HMGB1: variants seen among roughly 807,000 people sequenced by gnomAD.
HMGB1 encodes the protein high mobility group protein B1.
For missense variants in HMGB1, 79 were observed against 253.5 expected (o/e 0.31, Z 4.67); for synonymous variants, 81 against 84.0 (o/e 0.96, Z 0.19).
At chr13:30,512,406 T>C (rs1038093500) in intron 1 of HMGB1, among the ~76,000 whole-genome samples, 3 of 152,190 alleles carry the variant, frequency 2.0e-5, no homozygotes, top group African/African-American at 7.2e-5. Context: ...GTTAAGTCAA[T>C]GAGGATGTCT....
chr13:30,590,583 G>C (rs1443748978), intron 1 of HMGB1, among the ~76,000 whole-genome samples: 1 of 152,206 alleles, frequency 6.6e-6, no homozygotes, highest in Non-Finnish European at 1.5e-5. Context: ...AGTCAGATGT[G>C]AGCAAAGAAA....
chr13:30,616,352 A>G (rs898896064), intron 1 of HMGB1, among the ~76,000 whole-genome samples: 1 of 152,278 alleles, frequency 6.6e-6, no homozygotes, highest in Non-Finnish European at 1.5e-5. Context: ...GTTTTAAAAA[A>G]TACAATTCAG....
intron 1 of HMGB1, among the ~76,000 whole-genome samples, chr13:30,521,270 A>G (rs996572067): frequency 6.6e-6 from 1 of 152,310 alleles, no homozygotes; most frequent in Admixed American, 6.5e-5. Flanking sequence ...TTAAAATGAA[A>G]AATTCAATGG....
At chr13:30,541,043 A>C (rs565111755) in intron 1 of HMGB1, 1 of 152,296 alleles carries the variant, frequency 6.6e-6, no homozygotes, top group South Asian at 2.1e-4. Context: ...TAAATGGATC[A>C]AAAAATATGT....
chr13:30,593,129 T>C (rs1427484884), intron 1 of HMGB1, among the ~76,000 whole-genome samples: 1 of 152,206 alleles, frequency 6.6e-6, no homozygotes, highest in Non-Finnish European at 1.5e-5. Flanking sequence ...GAGTTTTTTC[T>C]TTGCAGATAG....
intron 1 of HMGB1, among the ~76,000 whole-genome samples, chr13:30,590,495 G>T (rs142161690): frequency 6.6e-6 from 1 of 152,036 alleles, no homozygotes; most frequent in African/African-American, 2.4e-5. Flanking sequence ...GAGTCACCAC[G>T]CCCGGCCTAA....
intron 1 of HMGB1, chr13:30,543,026 CTT>C (rs1052409571): frequency 5.3e-5 from 8 of 151,524 alleles, no homozygotes; most frequent in Admixed American, 1.3e-4. Flanking sequence ...CCGTGCTTGA[CTT>C]TAATCATTCA....
chr13:30,531,032 G>A (rs1888481306), intron 1 of HMGB1, among the ~76,000 whole-genome samples: 4 of 152,132 alleles, frequency 2.6e-5, no homozygotes, highest in Admixed American at 2.6e-4. Flanking sequence ...GGGCAAGAGT[G>A]AGACCCTGTC....
At chr13:30,511,178 T>G (rs2137463709) in intron 1 of HMGB1, among the ~76,000 whole-genome samples, 1 of 152,286 alleles carries the variant, frequency 6.6e-6, no homozygotes, top group East Asian at 1.9e-4. Flanking sequence ...AAACAGGGCA[T>G]CAATGTTTTC....
intron 1 of HMGB1, among the ~76,000 whole-genome samples, chr13:30,611,736 G>A (rs79128811): frequency 6.6e-6 from 1 of 151,692 alleles, no homozygotes; most frequent in African/African-American, 2.4e-5. Context: ...TATTCTCCCT[G>A]CATTTATGGC....
chr13:30,600,240 C>G (rs1471574387), intron 1 of HMGB1, among the ~76,000 whole-genome samples: 1 of 152,090 alleles, frequency 6.6e-6, no homozygotes, highest in Non-Finnish European at 1.5e-5. Context: ...ATTAAGTGAT[C>G]ATCAGCCACT....
intron 1 of HMGB1, among the ~76,000 whole-genome samples, chr13:30,485,132 A>G (rs1173871521): frequency 6.6e-6 from 1 of 151,262 alleles, no homozygotes; most frequent in African/African-American, 2.4e-5. Context: ...CCCGGGTTCA[A>G]GTGGTTCTCC....
intron 1 of HMGB1, chr13:30,465,209 G>GC: frequency 4.0e-6 from 3 of 755,054 alleles, no homozygotes; most frequent in South Asian, 6.2e-5. Flanking sequence ...CGCCGCCGCC[G>GC]CGACCGGGCC....
At chr13:30,597,023 T>C (rs1871643856) in intron 1 of HMGB1, among the ~76,000 whole-genome samples, 1 of 152,222 alleles carries the variant, frequency 6.6e-6, no homozygotes, top group Non-Finnish European at 1.5e-5. Context: ...ATGACTTCTT[T>C]ATACTTTCAT....
upstream of HMGB1, among the ~76,000 whole-genome samples, chr13:30,470,086 T>C (rs1161251719): frequency 6.7e-6 from 1 of 149,558 alleles, no homozygotes; most frequent in Non-Finnish European, 1.5e-5. Context: ...TGCTGGCTAT[T>C]TTTTTTTTTG....
At chr13:30,524,825 G>A (rs1007185443) in intron 1 of HMGB1, among the ~76,000 whole-genome samples, 1 of 152,054 alleles carries the variant, frequency 6.6e-6, no homozygotes, top group African/African-American at 2.4e-5. Context: ...CACTTGAAAA[G>A]ATATATAAAG....
At chr13:30,497,088 C>T (rs1361540455) in intron 1 of HMGB1, among the ~76,000 whole-genome samples, 3 of 152,104 alleles carry the variant, frequency 2.0e-5, no homozygotes, top group Non-Finnish European at 2.9e-5. Flanking sequence ...CAAAATGATC[C>T]CCTATCTCTT....
chr13:30,604,515 A>T (rs1447827288), intron 1 of HMGB1, among the ~76,000 whole-genome samples: 1 of 152,322 alleles, frequency 6.6e-6, no homozygotes, highest in Non-Finnish European at 1.5e-5. Flanking sequence ...ACAATGCACA[A>T]GACAGCCCTT....
chr13:30,463,952 T>TAGATA, intron 1 of HMGB1: 1 of 361,828 alleles, frequency 2.8e-6, no homozygotes. Context: ...CCATACAGTA[T>TAGATA]TCCCTATCTA....
Sources: allele counts gnomAD v4.1 joint callset (sites outside exome capture counted in the v4.1 genomes callset), GRCh38; gene constraint gnomAD v4.1.1; transcripts MANE v1.5; gene names NCBI Gene and HGNC (gene_info 2026-07-23, HGNC 2026-07-21).